The following TBXAS1 variants were observed in gnomAD, a reference collection of about 807,000 sequenced individuals.
The protein encoded by TBXAS1 is thromboxane A synthase 1.
In TBXAS1, 48 loss-of-function variants were observed where a neutral mutation model predicts 60.7. The ratio of observed to expected loss-of-function variants is 0.79; its 90% CI spans 0.63 to 1.01. TBXAS1 has a LOEUF of 1.01. Among genes scored for constraint, TBXAS1 ranks in the 50% least tolerant of loss-of-function variants. TBXAS1 has a pLI of 0.00. For missense variants in TBXAS1, 685 were observed against 686.3 expected, an observed-to-expected ratio of 1.00 and a Z score of 0.02; for synonymous variants, 287 against 269.7, an observed-to-expected ratio of 1.06 and a Z score of -0.63.
chr7:139,927,825 G>A (rs1164166992), intron 4 of TBXAS1, among the ~76,000 whole-genome samples: 2 of 152,032 alleles, frequency 1.3e-5, no homozygotes, highest in Non-Finnish European at 2.9e-5. Flanking sequence ...TTGCCCATGT[G>A]TAGAAATAAA....
intron 1 of TBXAS1, among the ~76,000 whole-genome samples, chr7:139,834,339 C>G (rs1398251521): frequency 6.6e-6 from 1 of 152,104 alleles, no homozygotes; most frequent in African/African-American, 2.4e-5. Context: ...GTTCATAGCC[C>G]TAAACACCTA....
intron 3 of TBXAS1, among the ~76,000 whole-genome samples, chr7:139,906,764 T>C (rs114683626): frequency 1.2e-3 from 178 of 152,302 alleles, no homozygotes; most frequent in African/African-American, 3.9e-3. Context: ...ATGATATGTT[T>C]CTCCACTTAG....
At chr7:139,830,146 T>G (rs544061052) in intron 1 of TBXAS1, among the ~76,000 whole-genome samples, 74 of 152,200 alleles carry the variant, frequency 4.9e-4, no homozygotes, top group Non-Finnish European at 6.8e-4. Context: ...CTGGTGTCTG[T>G]AGGTCGAAGG....
At position 139,829,347 on chromosome 7, in the gene TBXAS1, C is replaced by T. The variant is rs181789109; in HGVS notation, c.-44C>T. 125 of 1,582,204 alleles carry T rather than the reference C, an allele frequency of 7.9e-5. No individual in the cohort carries two copies. In the East Asian group the frequency reaches 2.7e-3, roughly 34 times the overall value. ...CCATAAGGGCGGCGAGATCAGCCTCCTGTCTCATCTGGAAGACCACCACTC... is the reference window on the plus strand; with the variant it reads ...CCATAAGGGCGGCGAGATCAGCCTCTTGTCTCATCTGGAAGACCACCACTC... On this transcript the variant is annotated 5_prime_UTR_variant, in exon 1 of 13. Transcript: ENST00000448866.
chr7:139,952,553 T>C (rs997193591), intron 5 of TBXAS1: 1 of 1,536,660 alleles, frequency 6.5e-7, no homozygotes, highest in Admixed American at 2.0e-5. Context: ...ATTTTCAGCT[T>C]GGCCTTTTAA....
chr7:139,990,435 G>C (rs1365551422), intron 9 of TBXAS1, among the ~76,000 whole-genome samples: 1 of 152,180 alleles, frequency 6.6e-6, no homozygotes, highest in East Asian at 1.9e-4. Context: ...CAGGAGTGTG[G>C]AGTTCAGGGA....
chr7:139,921,253 T>G (rs1327007275), intron 4 of TBXAS1, among the ~76,000 whole-genome samples: 1 of 152,152 alleles, frequency 6.6e-6, no homozygotes, highest in East Asian at 1.9e-4. Context: ...ATCCCTACCA[T>G]CCAGAGGAAA....
rs1475129228 is a variant in TBXAS1, at chr7:139,781,916, A to C, written c.-232-750A>C. ...AAGAGTTGCATTAGTGACTTTGGTG[A>C]AACTAGTTTGGAGGGAAATACAGGT... On this transcript the variant is annotated intron_variant, in intron 2 of 16. Coordinates refer to the TBXAS1 transcript ENST00000336425. 2.0e-5 allele frequency among the ~76,000 whole-genome samples: 3 copies of C among 151,216 alleles called. No individual in the cohort carries two copies. The East Asian group carries it at 5.9e-4, about 30-fold the overall frequency.
chr7:139,813,104 A>G (rs1253782756), intron 4 of TBXAS1, among the ~76,000 whole-genome samples: 1 of 150,676 alleles, frequency 6.6e-6, no homozygotes, highest in African/African-American at 2.4e-5. Flanking sequence ...AAAATAAAAT[A>G]AAATAAAATA....
At chr7:139,942,761 G>A (rs533413274) in intron 5 of TBXAS1, among the ~76,000 whole-genome samples, 1 of 152,248 alleles carries the variant, frequency 6.6e-6, no homozygotes, top group East Asian at 1.9e-4. Flanking sequence ...CTGGTATCTC[G>A]CACAGCACTG....
intron 9 of TBXAS1, among the ~76,000 whole-genome samples, chr7:139,981,493 A>C (rs1170779912): frequency 6.6e-6 from 1 of 152,190 alleles, no homozygotes; most frequent in Non-Finnish European, 1.5e-5. Flanking sequence ...ATGGCTTTTT[A>C]TCCCTTGTGT....
intron 1 of TBXAS1, among the ~76,000 whole-genome samples, chr7:139,849,371 C>T (rs542359644): frequency 1.3e-5 from 2 of 149,500 alleles, no homozygotes; most frequent in East Asian, 2.0e-4. Context: ...CCCTGTTCCC[C>T]CAAAAAAAAC....
At chr7:139,825,958 A>C (rs1798426196), upstream of TBXAS1, among the ~76,000 whole-genome samples, 2 of 152,242 alleles carry the variant, frequency 1.3e-5, no homozygotes. Flanking sequence ...GCAGTAAATA[A>C]ACTTACTTAT....
intron 1 of TBXAS1, among the ~76,000 whole-genome samples, chr7:139,833,562 G>A (rs1187103816): frequency 1.3e-5 from 2 of 149,664 alleles, no homozygotes; most frequent in Admixed American, 6.7e-5. Context: ...GTAGGTGCCT[G>A]TAGTCCCAGC....
chr7:139,930,816 G>C (rs1188514635), intron 4 of TBXAS1, among the ~76,000 whole-genome samples: 1 of 152,138 alleles, frequency 6.6e-6, no homozygotes, highest in Non-Finnish European at 1.5e-5. Context: ...CAAGGCTGCG[G>C]GCAGGGAAAT....
intron 4 of TBXAS1, among the ~76,000 whole-genome samples, chr7:139,803,537 C>A (rs566664615): frequency 1.3e-5 from 2 of 152,238 alleles, no homozygotes; most frequent in Admixed American, 6.5e-5. Context: ...AGTAAGGAGC[C>A]CAATGTTAGT....
chr7:139,797,887 T>C (rs1269844189), intron 4 of TBXAS1, among the ~76,000 whole-genome samples: 2 of 152,142 alleles, frequency 1.3e-5, no homozygotes, highest in Non-Finnish European at 2.9e-5. Context: ...ATGCATTACC[T>C]CCTTGAATAA....
At chr7:139,874,875 A>G (rs1474259871) in intron 2 of TBXAS1, among the ~76,000 whole-genome samples, 2 of 152,210 alleles carry the variant, frequency 1.3e-5, no homozygotes, top group Admixed American at 6.5e-5. Context: ...CAGGCAGATG[A>G]CCTGAGGTCA....
At chr7:139,970,568 T>C (rs919912818) in intron 9 of TBXAS1, among the ~76,000 whole-genome samples, 1 of 152,266 alleles carries the variant, frequency 6.6e-6, no homozygotes, top group Non-Finnish European at 1.5e-5. Context: ...AATGTGCTCA[T>C]GTTCTTCAGT....
Sources: gnomAD v4.1 joint callset for allele counts (sites outside exome capture counted in the v4.1 genomes callset) on GRCh38, gnomAD v4.1.1 for gene constraint, MANE v1.5 for transcripts, NCBI Gene and HGNC (gene_info 2026-07-23, HGNC 2026-07-21) for gene names.